Variants in CTNNA3 observed in about 807,000 individuals in gnomAD.
CTNNA3 encodes catenin alpha 3, also known as catenin alpha-3.
Under a neutral mutation model 95.7 loss-of-function variants are expected in CTNNA3, and 76 were observed. That is an observed-to-expected ratio of 0.79 (90% CI 0.66 to 0.96). The LOEUF is 0.96. Among genes scored for constraint, CTNNA3 ranks in the 40% least tolerant of loss-of-function variants. The probability of loss-of-function intolerance (pLI) is 0.00; values close to 1 mark genes in which losing one functional copy is unlikely to be tolerated. For synonymous variants in CTNNA3, 431 were observed against 374.4 expected, an observed-to-expected ratio of 1.15 and a Z score of -1.74; for missense variants, 1,191 against 1,089.8, an observed-to-expected ratio of 1.09 and a Z score of -1.31.
intron 7 of CTNNA3, among the ~76,000 whole-genome samples, chr10:66,833,338 A>G (rs571660037): frequency 2.6e-4 from 39 of 152,210 alleles, no homozygotes; most frequent in Middle Eastern, 6.8e-3. Context: ...CCACCTAAAG[A>G]TTTTTTCATC....
In CTNNA3 at chr10:67,456,473, T is replaced by C. The variant is rs982719265; in HGVS notation, c.579+65369A>G. Among the ~76,000 whole-genome samples the C allele has an allele frequency of 2.6e-5, 4 of 152,174 alleles. No homozygotes were observed. In the South Asian group the frequency reaches 8.3e-4, roughly 31 times the overall value. ...CAAGAAAGACTTGTGGGAAAATATGTGAAACAAGTCATTAAACTTGGGCTT... is the reference window on the plus strand; with the variant it reads ...CAAGAAAGACTTGTGGGAAAATATGCGAAACAAGTCATTAAACTTGGGCTT... On this transcript the variant is annotated intron_variant, in intron 5 of 17. Transcript: ENST00000433211.
chr10:66,940,358 T>G (rs1847934996), intron 7 of CTNNA3, among the ~76,000 whole-genome samples: 1 of 151,946 alleles, frequency 6.6e-6, no homozygotes. Flanking sequence ...TACCTGGGTG[T>G]GATGGCACAT....
At chr10:66,230,226 A>G (rs1217971867) in intron 13 of CTNNA3, among the ~76,000 whole-genome samples, 1 of 152,180 alleles carries the variant, frequency 6.6e-6, no homozygotes, top group Non-Finnish European at 1.5e-5. Context: ...CTGGAGAATT[A>G]TGATGTTGCT....
chr10:66,988,047 T>A (rs1211977968), intron 7 of CTNNA3, among the ~76,000 whole-genome samples: 1 of 152,182 alleles, frequency 6.6e-6, no homozygotes, highest in Admixed American at 6.6e-5. Flanking sequence ...AGTCTTTTTG[T>A]CAATAATTTA....
intron 2 of CTNNA3, among the ~76,000 whole-genome samples, chr10:67,623,092 T>G (rs1037131855): frequency 6.6e-6 from 1 of 152,180 alleles, no homozygotes; most frequent in African/African-American, 2.4e-5. Context: ...CTGATACAAA[T>G]TCTATTGATA....
At chr10:66,786,897 A>G (rs1589253950) in intron 7 of CTNNA3, among the ~76,000 whole-genome samples, 2 of 152,058 alleles carry the variant, frequency 1.3e-5, no homozygotes, top group East Asian at 3.9e-4. Flanking sequence ...AAGGAGGACA[A>G]CCTAAGGGCA....
intron 11 of CTNNA3, among the ~76,000 whole-genome samples, chr10:66,497,316 G>A (rs1454351994): frequency 6.6e-6 from 1 of 151,724 alleles, no homozygotes; most frequent in Non-Finnish European, 1.5e-5. Context: ...TGCAAAAGTA[G>A]TTGCAGTTTT....
At chr10:67,665,339 C>G (rs971818022) in intron 1 of CTNNA3, among the ~76,000 whole-genome samples, 25 of 152,092 alleles carry the variant, frequency 1.6e-4, no homozygotes, top group African/African-American at 6.0e-4. Flanking sequence ...ATAAAATAGT[C>G]TAGAGTTTAG....
chr10:66,424,043 A>G (rs1274370499), intron 11 of CTNNA3, among the ~76,000 whole-genome samples: 1 of 152,126 alleles, frequency 6.6e-6, no homozygotes, highest in Non-Finnish European at 1.5e-5. Context: ...TTATTTAAGA[A>G]TATTTTATTT....
chr10:66,242,902 A>T (rs1190620078), intron 13 of CTNNA3, among the ~76,000 whole-genome samples: 1 of 152,224 alleles, frequency 6.6e-6, no homozygotes, highest in Non-Finnish European at 1.5e-5. Flanking sequence ...AGAAGAATGG[A>T]TAAATATTCT....
At chr10:65,923,300 T>C (rs2077118179) in intron 17 of CTNNA3, among the ~76,000 whole-genome samples, 1 of 152,234 alleles carries the variant, frequency 6.6e-6, no homozygotes, top group Admixed American at 6.5e-5. Context: ...CATTTGCACC[T>C]CAAGATTGAC....
At chr10:67,679,766 A>C (rs1840593309) in intron 1 of CTNNA3, among the ~76,000 whole-genome samples, 1 of 152,244 alleles carries the variant, frequency 6.6e-6, no homozygotes, top group Non-Finnish European at 1.5e-5. Context: ...AATGTGAGCT[A>C]TCTCATACAC....
intron 7 of CTNNA3, among the ~76,000 whole-genome samples, chr10:67,139,087 A>G (rs142849282): frequency 2.4e-4 from 36 of 152,278 alleles, no homozygotes; most frequent in African/African-American, 7.7e-4. Context: ...TAAATTTGAC[A>G]TTATACTTTT....
rs1395350838 is a variant in CTNNA3, at chr10:65,944,894, A to ATCTG, written c.2400+21717_2400+21718insCAGA. ...TATCTATCTATCTATCTATCTATCT[A>ATCTG]TCTATCATCTATCTATCATCTATTT... On this transcript the variant is annotated intron_variant, in intron 17 of 17. Transcript: ENST00000433211. Among the ~76,000 whole-genome samples the ATCTG allele has an allele frequency of 6.7e-5, 8 of 118,648 alleles. No homozygotes were observed. The South Asian group carries it at 2.2e-3, about 33-fold the overall frequency. 77.8% of individuals were successfully genotyped at this position (118,648 alleles called of 152,430 possible).
chr10:67,750,780 G>T, intron 1 of CTNNA3: 1 of 1,606,582 alleles, frequency 6.2e-7, no homozygotes, highest in Middle Eastern at 1.7e-4. Context: ...ACCACTTCCA[G>T]ATAGAGAGGC....
chr10:67,239,360 C>T (rs1044452853), intron 5 of CTNNA3, among the ~76,000 whole-genome samples: 21 of 57,124 alleles, frequency 3.7e-4, no homozygotes, highest in African/African-American at 5.5e-4. Context: ...GACAGCTACA[C>T]GTGATAAAAA....
At chr10:66,977,326 C>T (rs1452566629) in intron 7 of CTNNA3, among the ~76,000 whole-genome samples, 2 of 152,006 alleles carry the variant, frequency 1.3e-5, no homozygotes, top group East Asian at 3.9e-4. Flanking sequence ...GTCCCAGCTA[C>T]TCAGGAGGCT....
At chr10:66,290,622 CTA>C (rs1394145529) in intron 12 of CTNNA3, among the ~76,000 whole-genome samples, 1 of 151,988 alleles carries the variant, frequency 6.6e-6, no homozygotes, top group Non-Finnish European at 1.5e-5. Context: ...CTTCATAAGA[CTA>C]TTTATTTTTT....
intron 9 of CTNNA3, among the ~76,000 whole-genome samples, chr10:66,761,348 T>C (rs987385765): frequency 5.9e-5 from 9 of 152,230 alleles, no homozygotes; most frequent in Middle Eastern, 6.8e-3. Context: ...ATAAGGTACA[T>C]AAAGATAGAT....
Sources: allele counts gnomAD v4.1 joint callset (sites outside exome capture counted in the v4.1 genomes callset), GRCh38; gene constraint gnomAD v4.1.1; transcripts MANE v1.5; gene names NCBI Gene and HGNC (gene_info 2026-07-23, HGNC 2026-07-21).